Variants in PKP4 observed in about 807,000 individuals in gnomAD.
PKP4 encodes the protein plakophilin-4.
A neutral mutation model predicts 145.1 loss-of-function variants in PKP4; 90 were observed. The ratio of observed to expected loss-of-function variants is 0.62; its 90% CI spans 0.52 to 0.74. The LOEUF (loss-of-function observed/expected upper bound fraction) is 0.74, where lower values mean the gene tolerates loss of function less well. Among genes scored for constraint, PKP4 ranks in the 30% least tolerant of loss-of-function variants. The probability of loss-of-function intolerance (pLI) is 0.00; values close to 1 mark genes in which losing one functional copy is unlikely to be tolerated. For missense variants in PKP4, 1,340 were observed against 1,482.7 expected, an observed-to-expected ratio of 0.90 and a Z score of 1.58; for synonymous variants, 563 against 577.2, an observed-to-expected ratio of 0.98 and a Z score of 0.35.
At chr2:158,472,388 T>A (rs983415393) in intron 1 of PKP4, among the ~76,000 whole-genome samples, 3 of 152,008 alleles carry the variant, frequency 2.0e-5, no homozygotes, top group Non-Finnish European at 4.4e-5. Flanking sequence ...GGCGGGCAGA[T>A]CATGAGGTCA....
chr2:158,512,460 A>G (rs955127566), intron 1 of PKP4, among the ~76,000 whole-genome samples: 1 of 152,226 alleles, frequency 6.6e-6, no homozygotes, highest in Non-Finnish European at 1.5e-5. Flanking sequence ...GGCATGTGCA[A>G]CATTCTCAGC....
At chr2:158,507,820 T>A (rs1258180683) in intron 1 of PKP4, among the ~76,000 whole-genome samples, 3 of 152,116 alleles carry the variant, frequency 2.0e-5, no homozygotes, top group Admixed American at 1.3e-4. Flanking sequence ...GAGTGTGGAT[T>A]GCTGTGTAGG....
At chr2:158,576,259 T>C (rs2047840206) in intron 2 of PKP4, among the ~76,000 whole-genome samples, 1 of 152,250 alleles carries the variant, frequency 6.6e-6, no homozygotes, top group African/African-American at 2.4e-5. Flanking sequence ...TGTATACATA[T>C]AATCATAAAT....
chr2:158,551,337 C>A (rs1024746700), intron 2 of PKP4, among the ~76,000 whole-genome samples: 17 of 152,222 alleles, frequency 1.1e-4, no homozygotes, highest in African/African-American at 4.1e-4. Context: ...CTTCCCTCTT[C>A]CCTGTAGTGG....
At chr2:158,680,325 A>G (rs1175978412) in intron 21 of PKP4, 104 bp from the exon 22 acceptor site, 8 of 843,796 alleles carry the variant, frequency 9.5e-6, no homozygotes, top group Non-Finnish European at 1.5e-5. Flanking sequence ...CAAATATTGA[A>G]TATTGCTTTA....
chr2:158,511,917 G>A (rs2041553763), intron 1 of PKP4, among the ~76,000 whole-genome samples: 1 of 152,018 alleles, frequency 6.6e-6, no homozygotes, highest in Non-Finnish European at 1.5e-5. Flanking sequence ...AAACCATTTT[G>A]TCCTCAAAAT....
chr2:158,533,074 T>C, intron 1 of PKP4, 106 bp from the exon 2 acceptor site: 1 of 1,126,140 alleles, frequency 8.9e-7, no homozygotes, highest in Non-Finnish European at 1.2e-6. Flanking sequence ...TTGATCATGG[T>C]GTGTAGACTG....
intron 11 of PKP4, 120 bp downstream of exon 11, chr2:158,642,819 T>A: frequency 1.6e-6 from 1 of 628,658 alleles, no homozygotes; most frequent in Admixed American, 3.0e-5. Context: ...GAGATATATA[T>A]AGTGCTCACA....
At chr2:158,546,920 A>G (rs2045108030) in intron 2 of PKP4, among the ~76,000 whole-genome samples, 1 of 152,190 alleles carries the variant, frequency 6.6e-6, no homozygotes. Flanking sequence ...AGGAAAAGTG[A>G]AACTCTGTTT....
chr2:158,462,055 G>T (rs1183073526), intron 1 of PKP4, among the ~76,000 whole-genome samples: 1 of 152,210 alleles, frequency 6.6e-6, no homozygotes, highest in Non-Finnish European at 1.5e-5. Context: ...GGCTTTTGGG[G>T]CCTGGCCCGA....
chr2:158,646,963 A>G (rs2054890497), intron 11 of PKP4, among the ~76,000 whole-genome samples: 1 of 152,184 alleles, frequency 6.6e-6, no homozygotes, highest in African/African-American at 2.4e-5. Flanking sequence ...ATTTTTGCAT[A>G]GGAATGGCCC....
chr2:158,657,709 C>G (rs1306729646), intron 11 of PKP4, among the ~76,000 whole-genome samples: 1 of 152,130 alleles, frequency 6.6e-6, no homozygotes, highest in Non-Finnish European at 1.5e-5. Context: ...GTACTAAATT[C>G]TAAAAATGGT....
chr2:158,631,396 T>C (rs960265993), intron 7 of PKP4, among the ~76,000 whole-genome samples: 4 of 151,894 alleles, frequency 2.6e-5, no homozygotes, highest in African/African-American at 9.7e-5. Context: ...TGTATTTATT[T>C]ATTTTGAGAC....
At chr2:158,493,622 C>T (rs1041807263) in intron 1 of PKP4, among the ~76,000 whole-genome samples, 1 of 152,172 alleles carries the variant, frequency 6.6e-6, no homozygotes, top group African/African-American at 2.4e-5. Flanking sequence ...AAACTGAAGT[C>T]GGTGACACAG....
intron 1 of PKP4, among the ~76,000 whole-genome samples, chr2:158,463,533 A>G (rs1251299361): frequency 6.6e-6 from 1 of 152,152 alleles, no homozygotes; most frequent in Non-Finnish European, 1.5e-5. Flanking sequence ...GGTTAAATAG[A>G]TATCAAGAGG....
At chr2:158,528,911 A>G (rs1204932556) in intron 1 of PKP4, among the ~76,000 whole-genome samples, 3 of 152,214 alleles carry the variant, frequency 2.0e-5, no homozygotes, top group Non-Finnish European at 4.4e-5. Flanking sequence ...AGTGTTATAC[A>G]GTAGACAACA....
chr2:158,500,314 G>T (rs1192610463), intron 1 of PKP4, among the ~76,000 whole-genome samples: 2 of 152,160 alleles, frequency 1.3e-5, no homozygotes, highest in East Asian at 3.9e-4. Flanking sequence ...CAACCTTGTT[G>T]ACTGTACCAG....
At chr2:158,545,013 C>T (rs1199752157) in intron 2 of PKP4, among the ~76,000 whole-genome samples, 2 of 151,074 alleles carry the variant, frequency 1.3e-5, no homozygotes, top group Non-Finnish European at 2.9e-5. Flanking sequence ...CCCAGAGATC[C>T]AGCACTTGTA....
chr2:158,557,287 A>C (rs10168054), intron 2 of PKP4, among the ~76,000 whole-genome samples: 81,125 of 151,838 alleles, frequency 0.53, 22,192 homozygotes, highest in East Asian at 0.82. Context: ...GATACCTTAC[A>C]TGAGTCTGTG....
Sources: allele counts gnomAD v4.1 joint callset (sites outside exome capture counted in the v4.1 genomes callset), GRCh38; gene constraint gnomAD v4.1.1; transcripts MANE v1.5; gene names NCBI Gene and HGNC (gene_info 2026-07-23, HGNC 2026-07-21).